ITGBL1: variants seen among roughly 807,000 people sequenced by gnomAD.
ITGBL1 encodes integrin beta-like protein 1.
ITGBL1 carries 51 observed loss-of-function variants against 68.5 expected under a neutral mutation model. The observed-to-expected ratio is 0.74, with a 90% CI of 0.59 to 0.94. The LOEUF is 0.94. Ranked by LOEUF, ITGBL1 falls within the 40% of genes least tolerant of loss-of-function variation. ITGBL1 has a pLI of 0.00. For synonymous variants in ITGBL1, 209 were observed against 227.3 expected, an observed-to-expected ratio of 0.92 and a Z score of 0.72; for missense variants, 649 against 647.4, an observed-to-expected ratio of 1.00 and a Z score of -0.03.
At chr13:101,541,891 T>C (rs2049711684) in intron 2 of ITGBL1, among the ~76,000 whole-genome samples, 1 of 152,144 alleles carries the variant, frequency 6.6e-6, no homozygotes, top group Non-Finnish European at 1.5e-5. Context: ...TCTGTGGGTT[T>C]GGTGGTGATA....
intron 7 of ITGBL1, among the ~76,000 whole-genome samples, chr13:101,635,463 A>G (rs1467546320): frequency 1.3e-5 from 2 of 152,122 alleles, no homozygotes; most frequent in African/African-American, 4.8e-5. Context: ...CATAGATATT[A>G]TTACATGCCA....
intron 2 of ITGBL1, among the ~76,000 whole-genome samples, chr13:101,556,412 G>A (rs924213817): frequency 1.5e-4 from 23 of 152,184 alleles, no homozygotes; most frequent in Non-Finnish European, 1.9e-4. Context: ...CGAGGCAGGC[G>A]GATCCCCTGA....
At chr13:101,679,478 G>T (rs986672009) in intron 7 of ITGBL1, among the ~76,000 whole-genome samples, 3 of 152,124 alleles carry the variant, frequency 2.0e-5, no homozygotes, top group Non-Finnish European at 4.4e-5. Flanking sequence ...ACCAATCAAT[G>T]GGTTTTGCCA....
chr13:101,547,905 G>T (rs1047671983), intron 2 of ITGBL1, among the ~76,000 whole-genome samples: 34 of 145,468 alleles, frequency 2.3e-4, no homozygotes, highest in African/African-American at 9.0e-4. Flanking sequence ...ATCTCTGTGT[G>T]TGTGTATATA....
intron 2 of ITGBL1, among the ~76,000 whole-genome samples, chr13:101,517,504 T>G (rs1218558031): frequency 6.6e-6 from 1 of 152,156 alleles, no homozygotes; most frequent in Admixed American, 6.5e-5. Flanking sequence ...CAGACCTCAG[T>G]AGTTTTGTAA....
chr13:101,661,666 A>G (rs573568948), intron 7 of ITGBL1, among the ~76,000 whole-genome samples: 1 of 152,328 alleles, frequency 6.6e-6, no homozygotes, highest in Admixed American at 6.5e-5. Context: ...TCATTGTAAT[A>G]TATCTTTCAT....
chr13:101,624,126 G>A (rs1419390510), intron 7 of ITGBL1, among the ~76,000 whole-genome samples: 1 of 152,132 alleles, frequency 6.6e-6, no homozygotes, highest in East Asian at 1.9e-4. Context: ...AGAAATCTGG[G>A]CTTGTTGAGC....
intron 7 of ITGBL1, among the ~76,000 whole-genome samples, chr13:101,642,134 C>T (rs1431000671): frequency 2.6e-5 from 4 of 151,648 alleles, no homozygotes; most frequent in Non-Finnish European, 4.4e-5. Flanking sequence ...TGAGGAATCG[C>T]CACACTGACT....
chr13:101,473,910 A>T (rs538297535), intron 2 of ITGBL1, among the ~76,000 whole-genome samples: 1 of 152,164 alleles, frequency 6.6e-6, no homozygotes. Context: ...GCTAAAGAGC[A>T]CCTGGGTTTT....
At chr13:101,663,270 T>C (rs1384496131) in intron 7 of ITGBL1, among the ~76,000 whole-genome samples, 1 of 152,178 alleles carries the variant, frequency 6.6e-6, no homozygotes, top group East Asian at 1.9e-4. Flanking sequence ...TGACTGCACA[T>C]ATTTGAAACA....
At chr13:101,656,242 C>A (rs774608772) in intron 7 of ITGBL1, among the ~76,000 whole-genome samples, 8 of 152,090 alleles carry the variant, frequency 5.3e-5, no homozygotes, top group Non-Finnish European at 8.8e-5. Context: ...TCAAAGGTTT[C>A]CCATTCAGAT....
intron 7 of ITGBL1, among the ~76,000 whole-genome samples, chr13:101,663,564 T>G (rs2033140361): frequency 6.6e-6 from 1 of 152,226 alleles, no homozygotes; most frequent in Admixed American, 6.5e-5. Flanking sequence ...CCATTTCTTG[T>G]GCATATCCTT....
At chr13:101,604,887 T>TATACACATACATAC in intron 7 of ITGBL1, among the ~76,000 whole-genome samples, 3 of 22,162 alleles carry the variant, frequency 1.4e-4, no homozygotes, top group African/African-American at 4.5e-4. Flanking sequence ...TATATATATA[T>TATACACATACATAC]ACACACACAC....
chr13:101,528,152 G>A (rs769544545), intron 2 of ITGBL1, among the ~76,000 whole-genome samples: 3 of 150,934 alleles, frequency 2.0e-5, no homozygotes, highest in Admixed American at 2.0e-4. Flanking sequence ...ATATATATAG[G>A]TTTATTAATA....
chr13:101,704,294 A>C (rs1047044896), intron 8 of ITGBL1, among the ~76,000 whole-genome samples: 5 of 152,126 alleles, frequency 3.3e-5, no homozygotes, highest in Admixed American at 6.6e-5. Context: ...GGATGCTAAT[A>C]GAACACAAAG....
chr13:101,559,950 G>C (rs1594890569), intron 2 of ITGBL1, among the ~76,000 whole-genome samples: 1 of 152,122 alleles, frequency 6.6e-6, no homozygotes, highest in Non-Finnish European at 1.5e-5. Flanking sequence ...TAATTTCGAG[G>C]CAGTGGAACC....
At chr13:101,571,371 G>A (rs1166989424) in intron 3 of ITGBL1, among the ~76,000 whole-genome samples, 1 of 152,074 alleles carries the variant, frequency 6.6e-6, no homozygotes, top group Non-Finnish European at 1.5e-5. Flanking sequence ...CGAATGACGT[G>A]TTCATAAGTC....
intron 2 of ITGBL1, among the ~76,000 whole-genome samples, chr13:101,538,736 A>C (rs2049625600): frequency 6.6e-6 from 1 of 152,158 alleles, no homozygotes; most frequent in South Asian, 2.1e-4. Flanking sequence ...TAAGAGCTCA[A>C]AGGAGAAATG....
At chr13:101,642,741 T>C (rs1253324086) in intron 7 of ITGBL1, among the ~76,000 whole-genome samples, 1 of 151,858 alleles carries the variant, frequency 6.6e-6, no homozygotes, top group East Asian at 1.9e-4. Flanking sequence ...AATTTTTGTA[T>C]AAGGTGTAAG....
Sources: allele counts gnomAD v4.1 joint callset (sites outside exome capture counted in the v4.1 genomes callset), GRCh38; gene constraint gnomAD v4.1.1; transcripts MANE v1.5; gene names NCBI Gene and HGNC (gene_info 2026-07-23, HGNC 2026-07-21).